Variants in ARHGAP12 observed in about 807,000 individuals in gnomAD.
The protein encoded by ARHGAP12 is Rho GTPase activating protein 12.
ARHGAP12 carries 64 observed loss-of-function variants against 108.6 expected under a neutral mutation model. The observed-to-expected ratio is 0.59, with a 90% CI of 0.48 to 0.73. The LOEUF is 0.73. ARHGAP12 is among the 30% of genes least tolerant of loss of function. The pLI is 0.00. For synonymous variants in ARHGAP12, 312 were observed against 337.2 expected, an observed-to-expected ratio of 0.93 and a Z score of 0.82; for missense variants, 940 against 1,005.9, an observed-to-expected ratio of 0.93 and a Z score of 0.89.
chr10:31,880,668 TTATTAA>T (rs929321146), intron 3 of ARHGAP12, among the ~76,000 whole-genome samples: 1 of 152,100 alleles, frequency 6.6e-6, no homozygotes, highest in Non-Finnish European at 1.5e-5. Flanking sequence ...TCCCCAGCAA[TTATTAA>T]TAAGTTCCAC....
intron 3 of ARHGAP12, among the ~76,000 whole-genome samples, chr10:31,891,252 CTT>C (rs34095941): frequency 6.6e-6 from 1 of 152,156 alleles, no homozygotes; most frequent in Non-Finnish European, 1.5e-5. Flanking sequence ...TGAATAAACT[CTT>C]TCTATGAATA....
At chr10:31,858,034 T>C (rs1836949499) in intron 4 of ARHGAP12, among the ~76,000 whole-genome samples, 1 of 152,020 alleles carries the variant, frequency 6.6e-6, no homozygotes, top group Admixed American at 6.6e-5. Context: ...TGATACCCCA[T>C]AGCTACAAAA....
At chr10:31,910,746 C>T (rs1055359059) in intron 1 of ARHGAP12, among the ~76,000 whole-genome samples, 183 bp from the exon 2 acceptor site, 10 of 152,212 alleles carry the variant, frequency 6.6e-5, no homozygotes, top group African/African-American at 2.4e-4. Context: ...CAACCACCAA[C>T]AGCCACTGAG....
chr10:31,881,369 C>A (rs1837950892), intron 3 of ARHGAP12, among the ~76,000 whole-genome samples: 2 of 151,964 alleles, frequency 1.3e-5, no homozygotes, highest in African/African-American at 4.8e-5. Flanking sequence ...CAACACGGAA[C>A]ACACACAAAA....
At chr10:31,905,229 T>C (rs1015692380) in intron 3 of ARHGAP12, among the ~76,000 whole-genome samples, 3 of 152,188 alleles carry the variant, frequency 2.0e-5, no homozygotes, top group Non-Finnish European at 2.9e-5. Flanking sequence ...GCTGTGATAA[T>C]TGTATAAATT....
intron 1 of ARHGAP12, among the ~76,000 whole-genome samples, chr10:31,912,858 C>G (rs1017172853): frequency 6.6e-6 from 1 of 152,112 alleles, no homozygotes; most frequent in Non-Finnish European, 1.5e-5. Context: ...CTAGGAAGAG[C>G]CACATAAAAA....
chr10:31,915,021 G>C (rs980298332), intron 1 of ARHGAP12, among the ~76,000 whole-genome samples: 6 of 152,314 alleles, frequency 3.9e-5, no homozygotes, highest in African/African-American at 1.4e-4. Flanking sequence ...TACGTTGAAT[G>C]AAATAAGCTA....
rs912962916 is a variant in ARHGAP12, at chr10:31,814,288, T to C, written c.1805A>G (p.Lys602Arg). 1 of 1,614,070 alleles carries C rather than the reference T, an allele frequency of 6.2e-7. No homozygotes were observed. Among genetic ancestry groups the C allele is most frequent in the Non-Finnish European group, 8.5e-7 (1 of 1,179,936 alleles). ...SPGIEKHDKE[K>R]EQKDPKKLRS... ...AAGCTTTTTGGGATCCTTTTGTTCC[T>C]TTTCTTTATCATGCTTTTCTATTCC... The change falls in exon 14 of 20, where the codon AAG (lysine) becomes AGG (arginine). Residue 602 changes from lysine (K) to arginine (R), a missense_variant. By Grantham distance (26) the Lys-to-Arg change is conservative (BLOSUM62 2). Coordinates refer to ENST00000344936, the MANE Select transcript of ARHGAP12 (RefSeq NM_018287.7).
intron 11 of ARHGAP12, among the ~76,000 whole-genome samples, chr10:31,822,539 T>C (rs1835452731): frequency 6.6e-6 from 1 of 152,204 alleles, no homozygotes; most frequent in South Asian, 2.1e-4. Flanking sequence ...CTAGAATTTA[T>C]CCTGATGATT....
chr10:31,817,906 GA>G lies in ARHGAP12; in HGVS notation c.1633-21del. 6.3e-7 allele frequency: 1 copy of G among 1,581,366 alleles called. No homozygotes were observed. Among genetic ancestry groups the G allele is most frequent in the Non-Finnish European group, 8.7e-7 (1 of 1,155,664 alleles). ...TTTCAGCTTTAGAGAAAAGCAGGGA[GA>G]AAAAAGAGTATGGTCAGTTTGTGCT... On this transcript the variant is annotated intron_variant, in intron 12 of 19. Transcript: ENST00000344936.
intron 2 of ARHGAP12, among the ~76,000 whole-genome samples, chr10:31,909,766 T>G (rs756769786): frequency 1.8e-4 from 28 of 152,074 alleles, no homozygotes; most frequent in Non-Finnish European, 3.4e-4. Context: ...TGTGGTGGCA[T>G]GCACCTGTAG....
intron 3 of ARHGAP12, among the ~76,000 whole-genome samples, chr10:31,878,158 A>C (rs1015357921): frequency 1.3e-5 from 2 of 152,154 alleles, no homozygotes; most frequent in African/African-American, 4.8e-5. Flanking sequence ...TATGAAACAC[A>C]GATACAAAAG....
intron 12 of ARHGAP12, among the ~76,000 whole-genome samples, chr10:31,820,053 C>T (rs918817110): frequency 2.5e-4 from 38 of 152,126 alleles, no homozygotes; most frequent in African/African-American, 8.4e-4. Context: ...TGCCCACCCC[C>T]ACACACAGCC....
chr10:31,827,694 G>A (rs1032886556), intron 10 of ARHGAP12, among the ~76,000 whole-genome samples: 19 of 151,954 alleles, frequency 1.3e-4, no homozygotes, highest in Non-Finnish European at 2.5e-4. Flanking sequence ...GGGAGGCTGA[G>A]GCAGGAGAAT....
In ARHGAP12 at chr10:31,814,989, ACACGCCTGTAGTCCCAGC is replaced by A. The variant is rs559484887; in HGVS notation, c.1732-646_1732-629del. On this transcript the variant is annotated intron_variant, in intron 13 of 19. Transcript: ENST00000344936. ...ACAAAAATTAGCCGGGCATGGTGGC[ACACGCCTGTAGTCCCAGC>A]TACTTGGGAGGCTGAGGCAGGAGAA... Among the ~76,000 whole-genome samples, 199 of 152,052 alleles carry A rather than the reference ACACGCCTGTAGTCCCAGC, an allele frequency of 1.3e-3. 2 individuals are homozygous for A. Among genetic ancestry groups the A allele is most frequent in the African/African-American group, 4.7e-3 (193 of 41,490 alleles).
At chr10:31,878,747 T>C (rs2799025) in intron 3 of ARHGAP12, among the ~76,000 whole-genome samples, 30,265 of 152,128 alleles carry the variant, frequency 0.2, 3,339 homozygotes, top group East Asian at 0.39. Flanking sequence ...AGTTGAACAC[T>C]TGCAACAGAG....
At chr10:31,928,263 C>A (rs1029757693) in intron 1 of ARHGAP12, among the ~76,000 whole-genome samples, 1 of 151,316 alleles carries the variant, frequency 6.6e-6, no homozygotes, top group Non-Finnish European at 1.5e-5. Flanking sequence ...CGCACACACC[C>A]GCCTTGTGCA....
chr10:31,847,024 C>T (rs1836487435), intron 6 of ARHGAP12, among the ~76,000 whole-genome samples: 1 of 150,846 alleles, frequency 6.6e-6, no homozygotes, highest in Admixed American at 6.7e-5. Flanking sequence ...CATTATTGAG[C>T]CATCCAGTAC....
intron 11 of ARHGAP12, among the ~76,000 whole-genome samples, chr10:31,820,902 A>C (rs1835392527): frequency 6.6e-6 from 1 of 152,040 alleles, no homozygotes; most frequent in Non-Finnish European, 1.5e-5. Flanking sequence ...AAATTTACAA[A>C]TGCATGTATA....
Sources: gnomAD v4.1 joint callset for allele counts (sites outside exome capture counted in the v4.1 genomes callset) on GRCh38, gnomAD v4.1.1 for gene constraint, MANE v1.5 for transcripts, NCBI Gene and HGNC (gene_info 2026-07-23, HGNC 2026-07-21) for gene names.